Variants in HIBADH observed in about 807,000 individuals in gnomAD.
The protein encoded by HIBADH is 3-hydroxyisobutyrate dehydrogenase, also known as 3-hydroxyisobutyrate dehydrogenase, mitochondrial.
HIBADH carries 25 observed loss-of-function variants against 36.1 expected under a neutral mutation model. The observed-to-expected ratio is 0.69, with a 90% CI of 0.50 to 0.97. The LOEUF is 0.97. Ranked by LOEUF, HIBADH falls within the 50% of genes least tolerant of loss-of-function variation. The pLI is 0.00. For synonymous variants in HIBADH, 160 were observed against 149.5 expected, an observed-to-expected ratio of 1.07 and a Z score of -0.51; for missense variants, 421 against 418.0, an observed-to-expected ratio of 1.01 and a Z score of -0.06.
chr7:27,602,961 T>C (rs1407107084), intron 4 of HIBADH, among the ~76,000 whole-genome samples: 3 of 152,024 alleles, frequency 2.0e-5, no homozygotes, highest in South Asian at 4.1e-4. Context: ...TTATGTGGAG[T>C]TGGAAACAAT....
chr7:27,642,024 G>T (rs1341429207), intron 2 of HIBADH, among the ~76,000 whole-genome samples: 5 of 152,188 alleles, frequency 3.3e-5, no homozygotes, highest in Non-Finnish European at 5.9e-5. Context: ...TGTATTGGGG[G>T]AGGAGTGGCA....
chr7:27,649,660 G>C, intron 1 of HIBADH, 27 bp from the exon 2 acceptor site: 1 of 1,506,250 alleles, frequency 6.6e-7, no homozygotes, highest in East Asian at 2.4e-5. Flanking sequence ...ATTTTCAATA[G>C]GGGCAAATAA....
intron 4 of HIBADH, among the ~76,000 whole-genome samples, chr7:27,609,796 A>C (rs1481892507): frequency 1.3e-5 from 2 of 152,076 alleles, no homozygotes; most frequent in Non-Finnish European, 2.9e-5. Flanking sequence ...TGCTAATTAA[A>C]AAGTAAGTTT....
intron 6 of HIBADH, among the ~76,000 whole-genome samples, chr7:27,532,269 T>TA (rs1784013361): frequency 2.6e-5 from 4 of 152,250 alleles, no homozygotes; most frequent in African/African-American, 9.6e-5. Flanking sequence ...CCTAGCAATT[T>TA]ATTTGGTTTC....
At chr7:27,568,476 G>A (rs1241225087) in intron 4 of HIBADH, among the ~76,000 whole-genome samples, 2 of 151,082 alleles carry the variant, frequency 1.3e-5, no homozygotes, top group Non-Finnish European at 2.9e-5. Context: ...ATTTTTTTGA[G>A]ACAGAGAGTC....
chr7:27,648,596 A>T (rs1001980094), intron 2 of HIBADH, among the ~76,000 whole-genome samples: 22 of 152,134 alleles, frequency 1.4e-4, no homozygotes, highest in African/African-American at 5.1e-4. Flanking sequence ...ATCACACACT[A>T]TCCTCAGTTA....
chr7:27,644,599 C>A (rs1179623011), intron 2 of HIBADH, among the ~76,000 whole-genome samples: 83 of 112,648 alleles, frequency 7.4e-4, no homozygotes, highest in East Asian at 1.0e-3. Flanking sequence ...GACTCCATCT[C>A]AAAAAAAAAA....
chr7:27,594,180 G>A (rs28429439), intron 4 of HIBADH, among the ~76,000 whole-genome samples: 110,252 of 144,696 alleles, frequency 0.76, 42,472 homozygotes, highest in East Asian at 0.95. Flanking sequence ...AGTTTCGCTC[G>A]TTGCCCCGGC....
At chr7:27,654,354 T>C (rs1296960875) in intron 1 of HIBADH, among the ~76,000 whole-genome samples, 3 of 152,022 alleles carry the variant, frequency 2.0e-5, no homozygotes, top group African/African-American at 4.8e-5. Context: ...CCAAAGTTGA[T>C]GAAAACTACA....
Position 27,526,098 on chromosome 7 carries a change from A to G in HIBADH, c.*116T>C. 1 of 797,148 alleles carries G rather than the reference A, an allele frequency of 1.3e-6. No homozygotes were observed. Among genetic ancestry groups the G allele is most frequent in the Non-Finnish European group, 1.8e-6 (1 of 551,984 alleles). The allele number at this position is 797,148 out of a possible 1,614,324, so 49.4% of individuals were successfully genotyped here. A position where few individuals can be genotyped will look rare whatever the true frequency, so the allele number is the denominator to read the frequency against. ...AATCCTAGGGATTACTGTGACCTAGACAATCAAAAGCAGATAGGTGACCTT... is the reference window on the plus strand; with the variant it reads ...AATCCTAGGGATTACTGTGACCTAGGCAATCAAAAGCAGATAGGTGACCTT... On this transcript the variant is annotated 3_prime_UTR_variant, in exon 8 of 8. Transcript: ENST00000265395.
intron 4 of HIBADH, among the ~76,000 whole-genome samples, chr7:27,558,883 A>G (rs1025238592): frequency 6.6e-6 from 1 of 152,170 alleles, no homozygotes; most frequent in Non-Finnish European, 1.5e-5. Context: ...TATCCAGCAG[A>G]ATATTTTCAA....
At chr7:27,572,135 C>T (rs941051055) in intron 4 of HIBADH, among the ~76,000 whole-genome samples, 3 of 152,144 alleles carry the variant, frequency 2.0e-5, no homozygotes, top group Non-Finnish European at 4.4e-5. Context: ...CAAATGTTAA[C>T]GTCCAGAGCC....
At chr7:27,655,313 G>C (rs1176714719) in intron 1 of HIBADH, among the ~76,000 whole-genome samples, 2 of 152,302 alleles carry the variant, frequency 1.3e-5, no homozygotes, top group East Asian at 1.9e-4. Flanking sequence ...TAGGATAATG[G>C]TAGTTTGGTT....
At chr7:27,590,334 C>T (rs1784921898) in intron 4 of HIBADH, among the ~76,000 whole-genome samples, 1 of 152,154 alleles carries the variant, frequency 6.6e-6, no homozygotes. Context: ...TCAGATTTCT[C>T]ATGTAAGTGC....
intron 4 of HIBADH, among the ~76,000 whole-genome samples, chr7:27,568,830 AT>A (rs1784585016): frequency 6.7e-6 from 1 of 149,788 alleles, no homozygotes. Context: ...AGATTTCTTT[AT>A]TGTATTTGGG....
At chr7:27,614,475 T>C (rs557264015) in intron 4 of HIBADH, among the ~76,000 whole-genome samples, 34 of 152,318 alleles carry the variant, frequency 2.2e-4, no homozygotes, top group African/African-American at 7.2e-4. Flanking sequence ...AAAAGATTCT[T>C]GATTCAACCA....
chr7:27,531,449 T>C, intron 6 of HIBADH, 101 bp from the exon 7 acceptor site: 1 of 1,041,120 alleles, frequency 9.6e-7, no homozygotes, highest in Non-Finnish European at 1.3e-6. Context: ...CTCCATTTAT[T>C]ATATGTCTTC....
intron 5 of HIBADH, among the ~76,000 whole-genome samples, chr7:27,542,388 T>C (rs893200366): frequency 3.3e-5 from 5 of 151,738 alleles, no homozygotes; most frequent in Non-Finnish European, 7.4e-5. Flanking sequence ...ATTTCACTAG[T>C]TGCTGGGATG....
intron 4 of HIBADH, among the ~76,000 whole-genome samples, chr7:27,546,795 T>G (rs1219056277): frequency 6.6e-6 from 1 of 152,208 alleles, no homozygotes; most frequent in African/African-American, 2.4e-5. Flanking sequence ...GAATCACAAA[T>G]GTCCCTGCTC....
Sources: allele counts gnomAD v4.1 joint callset (sites outside exome capture counted in the v4.1 genomes callset), GRCh38; gene constraint gnomAD v4.1.1; transcripts MANE v1.5; gene names NCBI Gene and HGNC (gene_info 2026-07-23, HGNC 2026-07-21).